ZNF276: variants seen among roughly 807,000 people sequenced by gnomAD.
ZNF276 encodes zinc finger protein 276.
ZNF276 carries 59 observed loss-of-function variants against 63.9 expected under a neutral mutation model. The observed-to-expected ratio is 0.92, with a 90% CI of 0.75 to 1.15. ZNF276 has a LOEUF of 1.15. ZNF276 is among the 50% of genes most tolerant of loss of function. The pLI is 0.00. For synonymous variants in ZNF276, 496 were observed against 348.4 expected (o/e 1.42, Z -4.72); for missense variants, 1,084 against 843.8 (o/e 1.28, Z -3.53).
chr16:89,737,533 AG>A (rs1200953535), intron 9 of ZNF276: 2 of 470,488 alleles, frequency 4.3e-6, no homozygotes, highest in Non-Finnish European at 3.6e-6. Flanking sequence ...AAAAAAAAAA[AG>A]ACAAGAATCT....
chr16:89,735,979 C>T (rs2061863708), intron 9 of ZNF276, among the ~76,000 whole-genome samples: 2 of 151,766 alleles, frequency 1.3e-5, no homozygotes, highest in South Asian at 4.1e-4. Context: ...GCAAGCTCCT[C>T]TTCCTGGGGT....
In ZNF276 at chr16:89,732,732, C is replaced by T. The variant is rs1265274028; in HGVS notation, c.1170-570C>T. 14 of 173,040 alleles carry T rather than the reference C, an allele frequency of 8.1e-5. No homozygotes were observed. The Admixed American group carries it at 9.4e-4, about 12-fold the overall frequency. 10.7% of individuals were successfully genotyped at this position (173,040 alleles called of 1,614,324 possible). A position where few individuals can be genotyped will look rare whatever the true frequency, so the allele number is the denominator to read the frequency against. On this transcript the variant is annotated intron_variant, in intron 6 of 10. Transcript: ENST00000443381. ...TGCGCCCTCGTCCTCTGCCGTTTGC[C>T]CCTGACCCTGCTGTACCATGCCCTC...
intron 4 of ZNF276, among the ~76,000 whole-genome samples, chr16:89,724,802 C>T (rs62068387): frequency 6.8e-6 from 1 of 146,446 alleles, no homozygotes. Context: ...GAGAACAATT[C>T]TATCTATCTG....
rs778367449 is a variant in ZNF276 at position 89,737,911 on chromosome 16, T to C, written c.1574+6T>C. On this transcript the variant is annotated splice_donor_region_variant and intron_variant, in intron 10 of 10. Coordinates refer to ENST00000443381, the MANE Select transcript of ZNF276 (RefSeq NM_001113525.2). ...TCGGGAGCCAAGCCTTTGCAGTAAG[T>C]GTGAGTCAGGACCCCCTCCCAGGGC... 1.3e-6 allele frequency: 2 copies of C among 1,583,474 alleles called. No individual in the cohort carries two copies.
Position 89,739,579 on chromosome 16 carries a change from C to A in ZNF276, c.*1333C>A. 6.5e-7 allele frequency: 1 copy of A among 1,549,358 alleles called. No individual in the cohort carries two copies. Among genetic ancestry groups the A allele is most frequent in the East Asian group, 2.4e-5 (1 of 40,892 alleles). The stretch of plus-strand genomic sequence containing the variant: ...CTGCAACACCAAGAAGTGGCTCAGG[C>A]AACTCTGGACATCTCTGCCTATTAT... On this transcript the variant is annotated 3_prime_UTR_variant, in exon 11 of 11. Coordinates refer to ENST00000443381, the MANE Select transcript of ZNF276 (RefSeq NM_001113525.2).
chr16:89,740,226 A>C lies in ZNF276; in HGVS notation c.*1980A>C. ...TATTGTAAGTCTTAAAACTGGTGAC[A>C]GTTTTACCTATAGAAGGTAATACTG... On this transcript the variant is annotated 3_prime_UTR_variant, in exon 11 of 11. Transcript: ENST00000443381. 1.2e-6 allele frequency: 1 copy of C among 836,758 alleles called. No individual in the cohort carries two copies. The highest frequency in any genetic ancestry group is 2.1e-6 in the Non-Finnish European group (1 of 482,246). The allele number at this position is 836,758 out of a possible 1,614,324, so 51.8% of individuals were successfully genotyped here.
rs546411860 is a variant in ZNF276, at chr16:89,740,688, C to T, written c.*2442C>T. The T allele has an allele frequency of 7.3e-6, 6 of 824,430 alleles. No individual in the cohort carries two copies. The Admixed American group carries it at 9.0e-5, about 12-fold the overall frequency. 51.1% of individuals were successfully genotyped at this position (824,430 alleles called of 1,614,324 possible). ...CTGGGAGTTCTCACTCACACTTCCG[C>T]AAACACAAGGAGCTCCTGAGCTAGT... On this transcript the variant is annotated 3_prime_UTR_variant, in exon 11 of 11. Transcript: ENST00000443381.
upstream of ZNF276, chr16:89,720,624 G>C (rs1293458601): frequency 1.6e-6 from 2 of 1,224,052 alleles, no homozygotes; most frequent in Non-Finnish European, 2.0e-6. Flanking sequence ...GTCCTCGCCC[G>C]GGAACCGCGG....
In ZNF276 at chr16:89,738,382, C is replaced by T. The variant is rs903277788; in HGVS notation, c.*136C>T. On this transcript the variant is annotated 3_prime_UTR_variant, in exon 11 of 11. Coordinates refer to ENST00000443381, the MANE Select transcript of ZNF276 (RefSeq NM_001113525.2). ...TGGTGCTGGAGGCGGGCTTGGTGTC[C>T]GGCTCAAGTAGCCTTCCTCTGCTCT... 3.4e-5 allele frequency: 48 copies of T among 1,415,266 alleles called. No homozygotes were observed. In the Admixed American group the frequency reaches 6.9e-4, roughly 20 times the overall value. 87.7% of individuals were successfully genotyped at this position (1,415,266 alleles called of 1,614,324 possible).
intron 9 of ZNF276, 21 bp downstream of exon 9, chr16:89,734,059 G>A (rs777664316): frequency 2.5e-6 from 4 of 1,604,008 alleles, no homozygotes; most frequent in Non-Finnish European, 2.6e-6. Flanking sequence ...CGCCAGTGTC[G>A]CCCACGCGGG....
chr16:89,735,033 C>T (rs2061807635), intron 9 of ZNF276, among the ~76,000 whole-genome samples: 1 of 151,834 alleles, frequency 6.6e-6, no homozygotes, highest in African/African-American at 2.4e-5. Flanking sequence ...GTGGCACACG[C>T]CTGTAGGCAC....
rs1184324290 is a variant in ZNF276, at chr16:89,739,188, C to T, written c.*942C>T. 4 of 1,614,150 alleles carry T rather than the reference C, an allele frequency of 2.5e-6. No individual in the cohort carries two copies. Among genetic ancestry groups the T allele is most frequent in the East Asian group, 4.5e-5 (2 of 44,888 alleles). Reference sequence around the variant, plus strand: ...TGGAGGTGAAACTGTGCTTGTATCCCCAGCCACGAAGAGCTGGACCAGCTT... The same window carrying T: ...TGGAGGTGAAACTGTGCTTGTATCCTCAGCCACGAAGAGCTGGACCAGCTT... On this transcript the variant is annotated 3_prime_UTR_variant, in exon 11 of 11. Coordinates refer to ENST00000443381, the MANE Select transcript of ZNF276 (RefSeq NM_001113525.2).
chr16:89,722,515 C>T lies in ZNF276; in HGVS notation c.206-16C>T, dbSNP rs1330386450. 3.1e-6 allele frequency: 5 copies of T among 1,597,222 alleles called. No individual in the cohort carries two copies. The highest frequency in any genetic ancestry group is 4.5e-5 in the East Asian group (2 of 44,642). On this transcript the variant is annotated splice_polypyrimidine_tract_variant and intron_variant, in intron 1 of 10. Transcript: ENST00000443381. ...CTCCTTTGCCAGCTGCTAACACTTC[C>T]TGCCGCTCTGTGCAGGAGCAGGCCG...
chr16:89,725,562 T>C (rs2061443132), intron 4 of ZNF276, among the ~76,000 whole-genome samples: 3 of 151,812 alleles, frequency 2.0e-5, no homozygotes, highest in African/African-American at 4.8e-5. Flanking sequence ...GATGCTGAGG[T>C]AGGCGGATCA....
In ZNF276 at chr16:89,738,517, T is replaced by C. The variant is rs1390068432; in HGVS notation, c.*271T>C. The C allele has an allele frequency of 1.9e-6, 3 of 1,596,180 alleles. No homozygotes were observed. The highest frequency in any genetic ancestry group is 1.1e-5 in the South Asian group (1 of 90,572). Reference sequence around the variant, plus strand: ...GCAGTCGAGGAGATTTGTAATCCACTTTTTAGTGCAACAAGAGCTCCATGT... The same window carrying C: ...GCAGTCGAGGAGATTTGTAATCCACCTTTTAGTGCAACAAGAGCTCCATGT... On this transcript the variant is annotated 3_prime_UTR_variant, in exon 11 of 11. Transcript: ENST00000443381.
Position 89,729,330 on chromosome 16 carries a change from GC to G in ZNF276, c.1169+15del, listed in dbSNP as rs1567573462. The G allele has an allele frequency of 6.2e-7, 1 of 1,613,722 alleles. No homozygotes were observed. The highest frequency in any genetic ancestry group is 1.7e-5 in the Admixed American group (1 of 60,012). ...TACCCAGAAAGGAAGTAAGTGGGCA[GC>G]CCGGGGTCTGCTGGAGGCATCCGTT... On this transcript the variant is annotated intron_variant, in intron 6 of 10. Transcript: ENST00000443381.
At position 89,729,469 on chromosome 16, in the gene ZNF276, C is replaced by T. The variant is rs535331296; in HGVS notation, c.1169+151C>T. 51 of 658,316 alleles carry T rather than the reference C, an allele frequency of 7.7e-5. 1 individual carries two copies. In the South Asian group the frequency reaches 8.4e-4, roughly 11 times the overall value. The allele number at this position is 658,316 out of a possible 1,614,324, so 40.8% of individuals were successfully genotyped here. On this transcript the variant is annotated intron_variant, in intron 6 of 10. Transcript: ENST00000443381. ...GTGAAACGTGGCTTCCCTCAGTGAG[C>T]GGGAGGCGGGGGAGGGGCAGGCGGG...
Position 89,738,289 on chromosome 16 carries a change from C to T in ZNF276, c.*43C>T. ...AGCACCTCTAGCAGCCTGGACTCCG[C>T]AGTGGCTGTGTCAGCCTCACCCTTC... is the stretch of plus-strand genomic sequence containing the variant. On this transcript the variant is annotated 3_prime_UTR_variant, in exon 11 of 11. Transcript: ENST00000443381. 6.5e-7 allele frequency: 1 copy of T among 1,547,692 alleles called. No homozygotes were observed. The highest frequency in any genetic ancestry group is 8.7e-7 in the Non-Finnish European group (1 of 1,147,788).
chr16:89,721,146 T>TAG (rs2061256208), upstream of ZNF276: 1 of 271,566 alleles, frequency 3.7e-6, no homozygotes, highest in Non-Finnish European at 6.9e-6. Flanking sequence ...GCCATGGGCG[T>TAG]CTAACCGCGG....
Sources: gnomAD v4.1 joint callset for allele counts (sites outside exome capture counted in the v4.1 genomes callset) on GRCh38, gnomAD v4.1.1 for gene constraint, MANE v1.5 for transcripts, NCBI Gene and HGNC (gene_info 2026-07-23, HGNC 2026-07-21) for gene names.